Variants in PARN observed in about 807,000 individuals in gnomAD.
The protein encoded by PARN is poly(A)-specific ribonuclease PARN.
PARN carries 71 observed loss-of-function variants against 102.8 expected under a neutral mutation model. The ratio of observed to expected loss-of-function variants is 0.69; its 90% confidence interval spans 0.57 to 0.84. PARN has a LOEUF of 0.84. Ranked by LOEUF, PARN falls within the 40% of genes least tolerant of loss-of-function variation. The pLI is 0.00. For synonymous variants in PARN, 261 were observed against 252.9 expected (o/e 1.03, Z -0.30); for missense variants, 782 against 760.9 (o/e 1.03, Z -0.33).
intron 21 of PARN, among the ~76,000 whole-genome samples, chr16:14,528,455 G>T (rs1373092829): frequency 6.6e-6 from 1 of 152,154 alleles, no homozygotes; most frequent in Non-Finnish European, 1.5e-5. Flanking sequence ...GTCACTTAGG[G>T]CAACAAACAT....
chr16:14,529,729 T>C (rs1211015152), intron 21 of PARN, among the ~76,000 whole-genome samples: 1 of 152,142 alleles, frequency 6.6e-6, no homozygotes, highest in Admixed American at 6.5e-5. Flanking sequence ...AGTATCGTCC[T>C]CTGATGGTTC....
chr16:14,554,244 G>C, intron 19 of PARN, 93 bp from the exon 20 acceptor site: 6 of 807,764 alleles, frequency 7.4e-6, no homozygotes, highest in South Asian at 5.0e-5. Context: ...AGCTAATTTG[G>C]AGAACTGTTA....
intron 18 of PARN, among the ~76,000 whole-genome samples, chr16:14,572,021 G>C (rs908110980): frequency 2.6e-5 from 4 of 152,170 alleles, no homozygotes; most frequent in African/African-American, 9.7e-5. Context: ...CAACAATAAA[G>C]CTATGTTAAA....
intron 13 of PARN, chr16:14,592,183 G>C (rs761762675): frequency 6.6e-6 from 1 of 152,232 alleles, no homozygotes; most frequent in Admixed American, 6.5e-5. Flanking sequence ...ATAGTAATGG[G>C]ATGAGGAGAA....
intron 6 of PARN, among the ~76,000 whole-genome samples, chr16:14,617,201 G>C (rs530200267): frequency 6.6e-6 from 1 of 151,224 alleles, no homozygotes; most frequent in Admixed American, 6.6e-5. Flanking sequence ...TGGCTAACAC[G>C]GTGAAACCCT....
At position 14,608,330 on chromosome 16, in the gene PARN, A is replaced by G. The variant is rs762551577; in HGVS notation, c.621-11T>C. Reference sequence around the variant, plus strand: ...AGTTTTCTTTGGAACCTATAAAAACAAAAGAAAAGGTATTGATTTTGGCTC... The same window carrying G: ...AGTTTTCTTTGGAACCTATAAAAACGAAAGAAAAGGTATTGATTTTGGCTC... On this transcript the variant is annotated splice_polypyrimidine_tract_variant and intron_variant, in intron 8 of 23. Transcript: ENST00000437198. 8 of 1,510,824 alleles carry G rather than the reference A, an allele frequency of 5.3e-6. 1 individual carries two copies. Among genetic ancestry groups the G allele is most frequent in the South Asian group, 2.4e-5 (2 of 82,586 alleles). 93.6% of individuals were successfully genotyped at this position (1,510,824 alleles called of 1,614,324 possible).
chr16:14,549,922 C>A (rs549815509), intron 21 of PARN, among the ~76,000 whole-genome samples: 1 of 152,318 alleles, frequency 6.6e-6, no homozygotes, highest in South Asian at 2.1e-4. Context: ...TTTACATAAC[C>A]TGCCCAAAGA....
Position 14,627,090 on chromosome 16 carries a change from C to G in PARN, c.327+16G>C. On this transcript the variant is annotated intron_variant, in intron 5 of 23. Transcript: ENST00000437198. ...TCAGCAATTCAGAAAAGAAAAATCTCAATTATGCTACTTACCTGACAAACA... is the reference window on the plus strand; with the variant it reads ...TCAGCAATTCAGAAAAGAAAAATCTGAATTATGCTACTTACCTGACAAACA... The G allele has an allele frequency of 6.8e-7, 1 of 1,466,938 alleles. No homozygotes were observed. The allele number at this position is 1,466,938 out of a possible 1,614,324, so 90.9% of individuals were successfully genotyped here. A position where few individuals can be genotyped will look rare whatever the true frequency, so the allele number is the denominator to read the frequency against.
chr16:14,561,238 T>C (rs1968041806), intron 18 of PARN, among the ~76,000 whole-genome samples: 2 of 151,692 alleles, frequency 1.3e-5, no homozygotes, highest in Admixed American at 6.6e-5. Context: ...TACTGAAGAA[T>C]TTCATTTCAG....
intron 18 of PARN, among the ~76,000 whole-genome samples, chr16:14,572,193 A>G (rs746027672): frequency 2.0e-5 from 3 of 152,184 alleles, no homozygotes; most frequent in Non-Finnish European, 2.9e-5. Flanking sequence ...AGCACCCTCC[A>G]GGGAGACAAG....
At chr16:14,450,659 T>C (rs1396660905) in intron 22 of PARN, among the ~76,000 whole-genome samples, 3 of 152,176 alleles carry the variant, frequency 2.0e-5, no homozygotes, top group African/African-American at 7.2e-5. Flanking sequence ...AGCATATCTA[T>C]TGTCCAGATC....
intron 21 of PARN, among the ~76,000 whole-genome samples, chr16:14,529,267 G>T (rs1966183843): frequency 6.6e-6 from 1 of 152,204 alleles, no homozygotes; most frequent in South Asian, 2.1e-4. Context: ...GTTTTACTTG[G>T]CGTTGGAAAG....
chr16:14,533,744 T>G (rs1038352827), intron 21 of PARN, among the ~76,000 whole-genome samples: 5 of 152,174 alleles, frequency 3.3e-5, no homozygotes, highest in Non-Finnish European at 7.4e-5. Flanking sequence ...CTTCTGCATC[T>G]TCCTGCCAGT....
intron 18 of PARN, among the ~76,000 whole-genome samples, chr16:14,580,285 GTTTTT>G (rs978739318): frequency 6.7e-6 from 1 of 149,412 alleles, no homozygotes; most frequent in African/African-American, 2.5e-5. Flanking sequence ...ATTTTCTTTT[GTTTTT>G]TTTGTTTTTT....
At chr16:14,459,555 G>A (rs189700668) in intron 22 of PARN, among the ~76,000 whole-genome samples, 20 of 152,298 alleles carry the variant, frequency 1.3e-4, no homozygotes, top group African/African-American at 3.8e-4. Flanking sequence ...ACATTCATGG[G>A]TTGGAAGACT....
Position 14,604,141 on chromosome 16 carries a change from A to G in PARN, c.783+5T>C, listed in dbSNP as rs2151787329. 6.3e-7 allele frequency: 1 copy of G among 1,576,652 alleles called. No individual in the cohort carries two copies. Among genetic ancestry groups the G allele is most frequent in the East Asian group, 2.2e-5 (1 of 44,576 alleles). On this transcript the variant is annotated splice_donor_5th_base_variant and intron_variant, in intron 11 of 23. Transcript: ENST00000437198. ...ACCCCCCAAGAATTAACATAGCCCA[A>G]TTACCTGTTCTTTGGCATGTTTCTG...
At chr16:14,450,586 G>A (rs943873284) in intron 22 of PARN, among the ~76,000 whole-genome samples, 1 of 151,840 alleles carries the variant, frequency 6.6e-6, no homozygotes, top group African/African-American at 2.4e-5. Context: ...ATCTATCCAG[G>A]CACAAAATTC....
At chr16:14,437,726 C>T (rs1468609572) in intron 23 of PARN, among the ~76,000 whole-genome samples, 5 of 152,190 alleles carry the variant, frequency 3.3e-5, no homozygotes, top group Non-Finnish European at 5.9e-5. Flanking sequence ...CTTCTAGCTG[C>T]TAACACCAAG....
chr16:14,617,730 C>G (rs1596886679), intron 5 of PARN, 80 bp from the exon 6 acceptor site: 2 of 849,090 alleles, frequency 2.4e-6, no homozygotes, highest in Non-Finnish European at 4.1e-6. Context: ...GTAACTCAAA[C>G]AAGAAAACAA....
Sources: allele counts gnomAD v4.1 joint callset (sites outside exome capture counted in the v4.1 genomes callset), GRCh38; gene constraint gnomAD v4.1.1; transcripts MANE v1.5; gene names NCBI Gene and HGNC (gene_info 2026-07-23, HGNC 2026-07-21).